RCSD1: variants seen among roughly 807,000 people sequenced by gnomAD.
The protein encoded by RCSD1 is capZ-interacting protein.
RCSD1 carries 26 observed loss-of-function variants against 42.5 expected under a neutral mutation model. That is an observed-to-expected ratio of 0.61 (90% CI 0.45 to 0.85). RCSD1 has a LOEUF of 0.85. RCSD1 is among the 40% of genes least tolerant of loss of function. The probability of loss-of-function intolerance (pLI) is 0.00; values close to 1 mark genes in which losing one functional copy is unlikely to be tolerated. For synonymous variants in RCSD1, 220 were observed against 212.2 expected (o/e 1.04, Z -0.32); for missense variants, 571 against 528.3 (o/e 1.08, Z -0.79).
chr1:167,693,856 C>T (rs1459049061), intron 4 of RCSD1, among the ~76,000 whole-genome samples: 2 of 152,154 alleles, frequency 1.3e-5, no homozygotes, highest in Non-Finnish European at 2.9e-5. Context: ...GGATCCTCGT[C>T]AGTGCTGGCT....
chr1:167,653,611 G>A (rs1261171650), intron 1 of RCSD1, among the ~76,000 whole-genome samples: 1 of 152,232 alleles, frequency 6.6e-6, no homozygotes, highest in East Asian at 1.9e-4. Flanking sequence ...CTAGGAATAT[G>A]GGGATGTCAA....
intron 5 of RCSD1, 127 bp from the exon 6 acceptor site, chr1:167,696,971 GA>G: frequency 1.2e-6 from 1 of 804,292 alleles, no homozygotes. Flanking sequence ...CGTTCTCCTG[GA>G]AAATTAAACG....
intron 1 of RCSD1, among the ~76,000 whole-genome samples, chr1:167,680,748 C>T (rs1302734003): frequency 3.3e-5 from 5 of 152,196 alleles, no homozygotes; most frequent in Admixed American, 1.3e-4. Context: ...GCTGGGATTC[C>T]AGGCTTGAGC....
At chr1:167,664,012 T>A (rs1658597531) in intron 1 of RCSD1, 1 of 152,228 alleles carries the variant, frequency 6.6e-6, no homozygotes, top group African/African-American at 2.4e-5. Flanking sequence ...AGATCACACA[T>A]CTAGTAAAAG....
At chr1:167,655,505 T>C (rs935096851) in intron 1 of RCSD1, among the ~76,000 whole-genome samples, 6 of 152,104 alleles carry the variant, frequency 3.9e-5, no homozygotes, top group Admixed American at 6.5e-5. Context: ...TTCCTGAGAT[T>C]ATCAAAAAGT....
Position 167,630,266 on chromosome 1 carries a change from C to G in RCSD1, c.-158C>G, listed in dbSNP as rs898969681. 4 of 707,498 alleles carry G rather than the reference C, an allele frequency of 5.7e-6. No homozygotes were observed. The highest frequency in any genetic ancestry group is 7.0e-5 in the South Asian group (1 of 14,278). 43.8% of individuals were successfully genotyped at this position (707,498 alleles called of 1,614,324 possible). A position where few individuals can be genotyped will look rare whatever the true frequency, so the allele number is the denominator to read the frequency against. On this transcript the variant is annotated 5_prime_UTR_variant, in exon 1 of 7. Transcript: ENST00000367854. ...AGGGCCCCCGCGGCCGGGGCAGTCCCGCAGCCGAGCGCAGCCGGGCGCGCG... is the reference window on the plus strand; with the variant it reads ...AGGGCCCCCGCGGCCGGGGCAGTCCGGCAGCCGAGCGCAGCCGGGCGCGCG...
chr1:167,694,349 G>A (rs1017403904), intron 5 of RCSD1, 47 bp downstream of exon 5: 8 of 1,545,148 alleles, frequency 5.2e-6, no homozygotes, highest in Non-Finnish European at 7.1e-6. Context: ...GGAAATGTGG[G>A]CACTGGCACC....
intron 3 of RCSD1, among the ~76,000 whole-genome samples, chr1:167,688,437 C>T (rs1316155055): frequency 6.6e-6 from 1 of 152,092 alleles, no homozygotes; most frequent in East Asian, 1.9e-4. Flanking sequence ...TTATACTCAT[C>T]CTAGATAAAA....
At chr1:167,640,996 C>G (rs138934686) in intron 1 of RCSD1, among the ~76,000 whole-genome samples, 1 of 152,300 alleles carries the variant, frequency 6.6e-6, no homozygotes, top group East Asian at 1.9e-4. Flanking sequence ...CCCGAGCCCC[C>G]ACTAGTGCCT....
chr1:167,634,928 T>G lies in RCSD1; in HGVS notation c.6+4499T>G, dbSNP rs1000761037. 2.2e-5 allele frequency among the ~76,000 whole-genome samples: 3 copies of G among 137,862 alleles called. No individual in the cohort carries two copies. In the Admixed American group the frequency reaches 2.3e-4, roughly 11 times the overall value. 90.4% of individuals were successfully genotyped at this position (137,862 alleles called of 152,430 possible). On this transcript the variant is annotated intron_variant, in intron 1 of 6. Coordinates refer to ENST00000367854, the MANE Select transcript of RCSD1 (RefSeq NM_052862.4). ...TTTACATTCTCACAGACTGTCAGTA[T>G]TACTATGATGAGAGTGTGTGTGTGT...
At chr1:167,696,367 T>C (rs956267139) in intron 5 of RCSD1, among the ~76,000 whole-genome samples, 5 of 152,118 alleles carry the variant, frequency 3.3e-5, no homozygotes. Context: ...TTATTCAATA[T>C]GTCAATTTAT....
At chr1:167,685,998 A>G (rs1659226626) in intron 3 of RCSD1, among the ~76,000 whole-genome samples, 1 of 152,204 alleles carries the variant, frequency 6.6e-6, no homozygotes, top group Non-Finnish European at 1.5e-5. Flanking sequence ...CTGGAAGAAA[A>G]CCAGAGCGCA....
In RCSD1 at chr1:167,694,233, C is replaced by G. The variant is rs747930724; in HGVS notation, c.405C>G (p.Ser135Arg). The G allele has an allele frequency of 6.2e-7, 1 of 1,614,064 alleles. No homozygotes were observed. The highest frequency in any genetic ancestry group is 8.5e-7 in the Non-Finnish European group (1 of 1,180,044). Residue 135 changes from serine (S) to arginine (R), a missense_variant, in exon 5 of 7, where the codon AGC becomes AGG. Physicochemically the swap from Ser to Arg is moderately radical, Grantham distance 110. Coordinates refer to ENST00000367854, the MANE Select transcript of RCSD1 (RefSeq NM_052862.4). ...PSSPGVRSRP[S>R]EAEEVPVSFD... ...GCCCTGGTGTGCGATCTAGGCCCAGCGAGGCAGAGGAGGTGCCTGTCAGCT... is the reference window on the plus strand; with the variant it reads ...GCCCTGGTGTGCGATCTAGGCCCAGGGAGGCAGAGGAGGTGCCTGTCAGCT...
chr1:167,643,099 C>T (rs1305864111), intron 1 of RCSD1, among the ~76,000 whole-genome samples: 3 of 152,172 alleles, frequency 2.0e-5, no homozygotes, highest in African/African-American at 7.2e-5. Flanking sequence ...ACCTACCTTC[C>T]AAGGTTATTT....
intron 1 of RCSD1, among the ~76,000 whole-genome samples, chr1:167,653,149 T>C (rs1292236505): frequency 2.0e-5 from 3 of 152,242 alleles, no homozygotes; most frequent in Non-Finnish European, 4.4e-5. Context: ...CAACGATACC[T>C]TAGAGTTACT....
At chr1:167,635,672 T>C (rs1250483627) in intron 1 of RCSD1, among the ~76,000 whole-genome samples, 1 of 152,166 alleles carries the variant, frequency 6.6e-6, no homozygotes, top group Non-Finnish European at 1.5e-5. Context: ...TCTCCAGTAA[T>C]AATATTTAAG....
At chr1:167,701,513 C>A (rs1659646523) in intron 6 of RCSD1, among the ~76,000 whole-genome samples, 1 of 151,920 alleles carries the variant, frequency 6.6e-6, no homozygotes, top group African/African-American at 2.4e-5. Flanking sequence ...ACCATATTGG[C>A]CAGGCTGGTC....
chr1:167,672,809 C>T (rs1189045973), intron 1 of RCSD1, among the ~76,000 whole-genome samples: 1 of 152,216 alleles, frequency 6.6e-6, no homozygotes, highest in Non-Finnish European at 1.5e-5. Flanking sequence ...ACTGACTGAC[C>T]TATCATACTT....
chr1:167,631,442 A>T (rs1487432204), intron 1 of RCSD1, among the ~76,000 whole-genome samples: 2 of 152,198 alleles, frequency 1.3e-5, no homozygotes, highest in Admixed American at 1.3e-4. Flanking sequence ...TAACTCCGCT[A>T]TCTCTTCCCC....
Sources: gnomAD v4.1 joint callset for allele counts (sites outside exome capture counted in the v4.1 genomes callset) on GRCh38, gnomAD v4.1.1 for gene constraint, MANE v1.5 for transcripts, NCBI Gene and HGNC (gene_info 2026-07-23, HGNC 2026-07-21) for gene names.